The following UPP2 variants were observed in gnomAD, a reference collection of about 807,000 sequenced individuals.
UPP2 encodes UPase 2.
In UPP2, 23 loss-of-function variants were observed where a neutral mutation model predicts 26.7. The ratio of observed to expected loss-of-function variants is 0.86; its 90% CI spans 0.62 to 1.22. The LOEUF (loss-of-function observed/expected upper bound fraction) is 1.22, where lower values mean the gene tolerates loss of function less well. Among genes scored for constraint, UPP2 ranks in the 50% most tolerant of loss-of-function variants. UPP2 has a pLI of 0.00. For missense variants in UPP2, 387 were observed against 396.7 expected (o/e 0.98, Z 0.21); for synonymous variants, 127 against 141.3 (o/e 0.90, Z 0.72).
intron 3 of UPP2, 58 bp downstream of exon 3, chr2:158,115,317 A>C: frequency 6.7e-7 from 1 of 1,497,914 alleles, no homozygotes; most frequent in Non-Finnish European, 8.9e-7. Context: ...AAAAGTGGGA[A>C]CTTTTACATG....
At chr2:158,060,348 G>T (rs1009047813) in intron 3 of UPP2, among the ~76,000 whole-genome samples, 3 of 152,142 alleles carry the variant, frequency 2.0e-5, no homozygotes, top group African/African-American at 7.2e-5. Flanking sequence ...GAGATGAGAT[G>T]ATACATGTAA....
chr2:158,026,628 A>G (rs1683837109), intron 3 of UPP2, among the ~76,000 whole-genome samples: 1 of 152,214 alleles, frequency 6.6e-6, no homozygotes, highest in Non-Finnish European at 1.5e-5. Flanking sequence ...CTGTGGCTCC[A>G]GGAGAGTGGC....
chr2:158,051,839 T>C (rs1405206865), intron 3 of UPP2, among the ~76,000 whole-genome samples: 2 of 152,060 alleles, frequency 1.3e-5, no homozygotes, highest in Admixed American at 1.3e-4. Context: ...CACAATGCTA[T>C]TCATATACAA....
At position 158,078,385 on chromosome 2, in the gene UPP2, T is replaced by C. The variant is rs188852603; in HGVS notation, c.148-23655T>C. On this transcript the variant is annotated intron_variant, in intron 3 of 9. Coordinates refer to the UPP2 transcript ENST00000605860. Reference sequence around the variant, plus strand: ...AGCCAAGATTTGGAAGCAACCTATGTGTCCATCAACAGATGAATGGATGAA... The same window carrying C: ...AGCCAAGATTTGGAAGCAACCTATGCGTCCATCAACAGATGAATGGATGAA... Among the ~76,000 whole-genome samples the C allele has an allele frequency of 5.0e-4, 76 of 152,298 alleles. No individual in the cohort carries two copies. In the South Asian group the frequency reaches 5.6e-3, roughly 11 times the overall value.
chr2:158,063,631 G>T (rs1174244585), intron 3 of UPP2, among the ~76,000 whole-genome samples: 1 of 151,648 alleles, frequency 6.6e-6, no homozygotes, highest in Non-Finnish European at 1.5e-5. Context: ...AAGTTCTGGG[G>T]TACATGTGCA....
intron 3 of UPP2, among the ~76,000 whole-genome samples, chr2:158,033,944 G>C (rs1683963324): frequency 6.6e-6 from 1 of 152,182 alleles, no homozygotes; most frequent in South Asian, 2.1e-4. Context: ...CAGATGTTTT[G>C]AGAGTGGACA....
intron 3 of UPP2, among the ~76,000 whole-genome samples, chr2:158,017,244 G>A (rs1457573214): frequency 6.6e-6 from 1 of 152,104 alleles, no homozygotes; most frequent in Non-Finnish European, 1.5e-5. Context: ...GATTTTAAGT[G>A]AGTTGTAAAA....
chr2:158,019,696 CAG>C (rs1185742691), intron 3 of UPP2, among the ~76,000 whole-genome samples: 133 of 145,086 alleles, frequency 9.2e-4, no homozygotes, highest in African/African-American at 2.9e-3. Flanking sequence ...ACAAGAAAGA[CAG>C]AGAGAGAGAG....
At position 158,121,565 on chromosome 2, in the gene UPP2, C is replaced by G; in HGVS notation, c.611C>G (p.Pro204Arg). 1 of 1,613,462 alleles carries G rather than the reference C, an allele frequency of 6.2e-7. No individual in the cohort carries two copies. Among genetic ancestry groups the G allele is most frequent in the Non-Finnish European group, 8.5e-7 (1 of 1,179,480 alleles). The change falls in exon 5 of 7, where the codon CCC (proline) becomes CGC (arginine). Residue 204 changes from proline (P) to arginine (R), a missense_variant. By Grantham distance (103) the Pro-to-Arg change is moderately radical (BLOSUM62 -2). Coordinates refer to ENST00000005756, the MANE Select transcript of UPP2 (RefSeq NM_173355.4). ...EELFNCSKEI[P>R]NFPTLVGHTM... ...CTGTTCAACTGTAGCAAAGAAATCC[C>G]CAACTTCCCAACCCTCGTTGGACAT...
intron 3 of UPP2, among the ~76,000 whole-genome samples, chr2:158,028,688 A>G (rs1209128135): frequency 6.6e-6 from 1 of 152,234 alleles, no homozygotes; most frequent in Non-Finnish European, 1.5e-5. Flanking sequence ...GCTGATAAAG[A>G]CATACCCAAA....
chr2:158,023,030 C>T (rs187408805), intron 3 of UPP2, among the ~76,000 whole-genome samples: 18 of 150,728 alleles, frequency 1.2e-4, no homozygotes, highest in Non-Finnish European at 1.3e-4. Context: ...GTGAAGTCTC[C>T]ACCTAGACAT....
chr2:157,995,331 C>G, intron 2 of UPP2: 1 of 1,526,480 alleles, frequency 6.6e-7, no homozygotes, highest in Non-Finnish European at 9.0e-7. Flanking sequence ...AGTCTCAGTA[C>G]AAATTAATTT....
At chr2:158,072,825 C>A (rs1472465402) in intron 3 of UPP2, among the ~76,000 whole-genome samples, 1 of 152,146 alleles carries the variant, frequency 6.6e-6, no homozygotes, top group African/African-American at 2.4e-5. Context: ...GGACACAAGT[C>A]CCTTCAAATA....
At chr2:158,007,154 C>G (rs1360418811) in intron 2 of UPP2, among the ~76,000 whole-genome samples, 1 of 152,196 alleles carries the variant, frequency 6.6e-6, no homozygotes, top group Admixed American at 6.5e-5. Context: ...TCTGTGTACT[C>G]ATAGGCAGTG....
chr2:158,026,612 C>T (rs554649416), intron 3 of UPP2, among the ~76,000 whole-genome samples: 29 of 152,246 alleles, frequency 1.9e-4, no homozygotes, highest in Admixed American at 5.9e-4. Context: ...TTTTCCATGA[C>T]ATTACCTGTG....
chr2:158,097,082 TA>T (rs1175971751), upstream of UPP2, among the ~76,000 whole-genome samples: 1 of 151,938 alleles, frequency 6.6e-6, no homozygotes, highest in African/African-American at 2.4e-5. Flanking sequence ...AAAAACATGA[TA>T]AAAAATATGA....
At chr2:158,133,865 A>G (rs886250014) in intron 6 of UPP2, 1 of 152,224 alleles carries the variant, frequency 6.6e-6, no homozygotes, top group South Asian at 2.1e-4. Context: ...GCAGATTCAG[A>G]TGGAGATTAT....
At chr2:158,134,394 T>C (rs1178391343) in intron 6 of UPP2, among the ~76,000 whole-genome samples, 1 of 152,190 alleles carries the variant, frequency 6.6e-6, no homozygotes, top group African/African-American at 2.4e-5. Flanking sequence ...AAGACCCTCC[T>C]CTAAGAACTG....
chr2:158,106,204 T>C lies in UPP2; in HGVS notation c.168T>C (p.Phe56=), dbSNP rs1031013927. The C allele has an allele frequency of 4.3e-6, 7 of 1,610,356 alleles. No homozygotes were observed. The African/African-American group carries it at 5.4e-5, about 12-fold the overall frequency. ...AAACACACAACCTACCAGCAATGTT[T>C]GGAGATGTAAAGGTAAAAACATTTC... The part of the protein sequence containing the change: ...GTKTHNLPAM[F]GDVKFVCVGG... The change falls in exon 2 of 7, where the codon TTT becomes TTC. Residue 56 remains phenylalanine, a synonymous_variant. Coordinates refer to ENST00000005756, the MANE Select transcript of UPP2 (RefSeq NM_173355.4).
Sources: allele counts gnomAD v4.1 joint callset (sites outside exome capture counted in the v4.1 genomes callset), GRCh38; gene constraint gnomAD v4.1.1; transcripts MANE v1.5; gene names NCBI Gene and HGNC (gene_info 2026-07-23, HGNC 2026-07-21).